Variants in XXYLT1 observed in about 807,000 individuals in gnomAD.
XXYLT1 encodes xyloside xylosyltransferase 1.
Under a neutral mutation model 28.9 loss-of-function variants are expected in XXYLT1, and 20 were observed. That is an observed-to-expected ratio of 0.69 (90% CI 0.49 to 1.00). The LOEUF (loss-of-function observed/expected upper bound fraction) is 1.00. Ranked by LOEUF, XXYLT1 falls within the 50% of genes least tolerant of loss-of-function variation. The pLI, the probability that XXYLT1 is intolerant of heterozygous loss-of-function variation, is 0.00. For synonymous variants in XXYLT1, 257 were observed against 253.8 expected, an observed-to-expected ratio of 1.01 and a Z score of -0.12; for missense variants, 542 against 560.1, an observed-to-expected ratio of 0.97 and a Z score of 0.33.
At chr3:195,232,902 T>C (rs1356243697) in intron 1 of XXYLT1, among the ~76,000 whole-genome samples, 1 of 152,228 alleles carries the variant, frequency 6.6e-6, no homozygotes, top group Non-Finnish European at 1.5e-5. Flanking sequence ...CCATTTCGTC[T>C]ATGGTGCAGA....
chr3:195,072,430 G>A lies in XXYLT1; in HGVS notation c.786-2319C>T, dbSNP rs115029590. ...CGCTCCCAAATCTTCTGTGTCTGCAGCAAGGAGGAGCAAACAGTGAACTAG... is the reference window on the plus strand; with the variant it reads ...CGCTCCCAAATCTTCTGTGTCTGCAACAAGGAGGAGCAAACAGTGAACTAG... On this transcript the variant is annotated intron_variant, in intron 3 of 3. Transcript: ENST00000310380. 7.7e-3 allele frequency among the ~76,000 whole-genome samples: 1,171 copies of A among 152,268 alleles called. 11 individuals carry two copies. The highest frequency in any genetic ancestry group is 0.027 in the African/African-American group (1,111 of 41,534).
Position 195,150,291 on chromosome 3 carries a change from GC to G in XXYLT1, c.785+6157del, listed in dbSNP as rs1720125262. Among the ~76,000 whole-genome samples, 1 of 152,172 alleles carries G rather than the reference GC, an allele frequency of 6.6e-6. No homozygotes were observed. Among genetic ancestry groups the G allele is most frequent in the African/African-American group, 2.4e-5 (1 of 41,430 alleles). On this transcript the variant is annotated intron_variant, in intron 3 of 3. Coordinates refer to ENST00000310380, the MANE Select transcript of XXYLT1 (RefSeq NM_152531.5). The surrounding 1 kb of genome is among the most constrained non-coding windows in gnomAD (Gnocchi z 4.7). ...AAGGCTCAGAGACGTCAAGAGACTT[GC>G]CCAAGGTCACACAGCAACTGAGTGG...
intron 2 of XXYLT1, chr3:195,214,967 G>A (rs1160111943): frequency 6.6e-6 from 1 of 151,714 alleles, no homozygotes; most frequent in Non-Finnish European, 1.5e-5. Context: ...ACTAACAGCG[G>A]ATCTCTCGGC....
At chr3:195,231,896 TG>T (rs1157037942) in intron 1 of XXYLT1, among the ~76,000 whole-genome samples, 2 of 152,146 alleles carry the variant, frequency 1.3e-5, no homozygotes, top group Non-Finnish European at 2.9e-5. Flanking sequence ...AGGGTAATTC[TG>T]GCCTCATAAA....
At chr3:195,219,835 AC>A (rs1723742724) in intron 2 of XXYLT1, among the ~76,000 whole-genome samples, 1 of 152,180 alleles carries the variant, frequency 6.6e-6, no homozygotes. Flanking sequence ...GGATGGGGCC[AC>A]CCCAATTTGT....
In XXYLT1 at chr3:195,076,058, C is replaced by G. The variant is rs1237666002; in HGVS notation, c.786-5947G>C. Among the ~76,000 whole-genome samples the G allele has an allele frequency of 1.3e-5, 2 of 152,200 alleles. No homozygotes were observed. Among genetic ancestry groups the G allele is most frequent in the South Asian group, 2.1e-4 (1 of 4,830 alleles). On this transcript the variant is annotated intron_variant, in intron 3 of 3. Transcript: ENST00000310380. The surrounding 1 kb of genome is among the most constrained non-coding windows in gnomAD (Gnocchi z 5.3). ...ACAGCTCCTCCCCTCCAGAAAGAAC[C>G]AGCACCACGGCCTCCGCCTCCTGGA... is the stretch of plus-strand genomic sequence containing the variant.
intron 2 of XXYLT1, among the ~76,000 whole-genome samples, chr3:195,225,746 G>C (rs1034106702): frequency 2.0e-5 from 3 of 151,224 alleles, no homozygotes; most frequent in African/African-American, 7.3e-5. Flanking sequence ...CCTGGTGGGG[G>C]GTAATTTAAT....
At chr3:195,199,306 C>T (rs1289439409) in intron 2 of XXYLT1, among the ~76,000 whole-genome samples, 1 of 152,088 alleles carries the variant, frequency 6.6e-6, no homozygotes, top group African/African-American at 2.4e-5. Flanking sequence ...TTGCGTATGC[C>T]TACATATAAA....
chr3:195,249,676 T>C (rs1241933916), intron 1 of XXYLT1, among the ~76,000 whole-genome samples: 1 of 152,226 alleles, frequency 6.6e-6, no homozygotes, highest in African/African-American at 2.4e-5. Flanking sequence ...GCACAAGGGT[T>C]GCCCTCGCTT....
chr3:195,100,936 C>T (rs549044900), intron 3 of XXYLT1, among the ~76,000 whole-genome samples: 14 of 152,370 alleles, frequency 9.2e-5, no homozygotes, highest in Middle Eastern at 3.4e-3. Context: ...TTTACTGAAG[C>T]GAACTAGTCT....
intron 2 of XXYLT1, among the ~76,000 whole-genome samples, chr3:195,197,323 G>C (rs772516921): frequency 1.3e-5 from 2 of 152,004 alleles, no homozygotes; most frequent in Non-Finnish European, 2.9e-5. Context: ...TGTAGTCCCA[G>C]CTACTCGGGA....
At position 195,270,605 on chromosome 3, in the gene XXYLT1, TG is replaced by T; in HGVS notation, c.453del (p.Lys152ArgfsTer26). On this transcript the variant is annotated frameshift_variant, in exon 1 of 4. Coordinates refer to ENST00000310380, the MANE Select transcript of XXYLT1 (RefSeq NM_152531.5). LOFTEE classifies it high-confidence loss of function. ...FVSEEASREVAKGLLRELLPP... is the reference protein window; with the variant it reads ...FVSEEASREVXKGLLRELLPP... The stretch of plus-strand genomic sequence containing the variant: ...GGCAGGAGCTCCCGCAGCAGGCCCT[TG>T]GCCACCTCGCGGCTGGCCTCCTCGC... 1.4e-6 allele frequency: 2 copies of T among 1,466,308 alleles called. No individual in the cohort carries two copies. Among genetic ancestry groups the T allele is most frequent in the Non-Finnish European group, 1.8e-6 (2 of 1,108,486 alleles). The allele number at this position is 1,466,308 out of a possible 1,614,324, so 90.8% of individuals were successfully genotyped here.
chr3:195,110,246 GTGGGTGAA>G lies in XXYLT1; in HGVS notation c.786-40143_786-40136del, dbSNP rs1266622777. 3.3e-4 allele frequency among the ~76,000 whole-genome samples: 16 copies of G among 47,996 alleles called. 1 individual carries two copies. The highest frequency in any genetic ancestry group is 5.0e-4 in the African/African-American group (7 of 14,108). 31.5% of individuals were successfully genotyped at this position (47,996 alleles called of 152,430 possible). On this transcript the variant is annotated intron_variant, in intron 3 of 3. Coordinates refer to ENST00000310380, the MANE Select transcript of XXYLT1 (RefSeq NM_152531.5). The stretch of plus-strand genomic sequence containing the variant: ...GTGTATAAGTGTGTGGTGTGCGTGT[GTGGGTGAA>G]GTGTGTGTGGGTGTGTGGTGTGTGT...
chr3:195,141,687 C>T (rs115905570), intron 3 of XXYLT1, among the ~76,000 whole-genome samples: 8 of 152,206 alleles, frequency 5.3e-5, no homozygotes, highest in African/African-American at 1.7e-4. Context: ...AGAACCCTTG[C>T]CAGCCAGCGC....
At chr3:195,136,749 C>G (rs182705888) in intron 3 of XXYLT1, among the ~76,000 whole-genome samples, 1 of 152,046 alleles carries the variant, frequency 6.6e-6, no homozygotes, top group Non-Finnish European at 1.5e-5. Context: ...GCTCACAGGA[C>G]GCAGGGAGCT....
At chr3:195,151,371 T>C (rs1230950390) in intron 3 of XXYLT1, among the ~76,000 whole-genome samples, 4 of 151,714 alleles carry the variant, frequency 2.6e-5, no homozygotes, top group African/African-American at 4.8e-5. Context: ...TGGCTACTAA[T>C]AACACAAAAA....
chr3:195,100,259 A>G (rs1026678346), intron 3 of XXYLT1, among the ~76,000 whole-genome samples: 1 of 151,940 alleles, frequency 6.6e-6, no homozygotes, highest in Non-Finnish European at 1.5e-5. Flanking sequence ...CTGGTTTCCT[A>G]CTGGTCTCCG....
intron 3 of XXYLT1, among the ~76,000 whole-genome samples, chr3:195,100,559 C>T (rs527304945): frequency 6.6e-5 from 10 of 152,230 alleles, no homozygotes; most frequent in Non-Finnish European, 1.2e-4. Context: ...GGCCTCTACC[C>T]CTGCCAGCCT....
chr3:195,157,044 A>G (rs2410844), intron 2 of XXYLT1, among the ~76,000 whole-genome samples: 20,455 of 151,806 alleles, frequency 0.13, 1,653 homozygotes, highest in East Asian at 0.27. Flanking sequence ...GGAGTTTGAG[A>G]CCAGCCTGAC....
Sources: gnomAD v4.1 joint callset for allele counts (sites outside exome capture counted in the v4.1 genomes callset) on GRCh38, gnomAD v4.1.1 for gene constraint, Gnocchi (gnomAD v3.1) non-coding constraint, MANE v1.5 for transcripts, NCBI Gene and HGNC (gene_info 2026-07-23, HGNC 2026-07-21) for gene names.